BANP: variants seen among roughly 807,000 people sequenced by gnomAD.
BANP encodes BTG3 associated nuclear protein.
Under a neutral mutation model 68.1 loss-of-function variants are expected in BANP, and 11 were observed. That is an observed-to-expected ratio of 0.16 (90% CI 0.10 to 0.27). The LOEUF is 0.27. Among genes scored for constraint, BANP ranks in the 10% least tolerant of loss-of-function variants. The pLI is 1.00. For synonymous variants in BANP, 329 were observed against 303.2 expected, an observed-to-expected ratio of 1.09 and a Z score of -0.88; for missense variants, 504 against 722.7, an observed-to-expected ratio of 0.70 and a Z score of 3.47.
chr16:87,983,360 A>G (rs912872573), intron 3 of BANP, among the ~76,000 whole-genome samples: 6 of 152,190 alleles, frequency 3.9e-5, no homozygotes, highest in Non-Finnish European at 8.8e-5. Flanking sequence ...ACGTGTGCTC[A>G]TGGTGGCTCC....
At chr16:88,020,044 AGGGTAGTATCAGATAACTCCTG>A (rs2075688958) in intron 7 of BANP, among the ~76,000 whole-genome samples, 1 of 152,162 alleles carries the variant, frequency 6.6e-6, no homozygotes, top group Non-Finnish European at 1.5e-5. Flanking sequence ...CTGGACCCTG[AGGGTAGTATCAGATAACTCCTG>A]GGAGACCACA....
chr16:88,057,614 T>G lies in BANP; in HGVS notation c.1312-7653T>G, dbSNP rs887878313. On this transcript the variant is annotated intron_variant, in intron 11 of 13. Coordinates refer to ENST00000682872, the MANE Select transcript of BANP (RefSeq NM_001386991.1). This position sits in a 1 kb window ranked among gnomAD's most constrained non-coding sequence, Gnocchi z 4.6. ...TCTGACTGGCCCACGTTGTGTAAAA[T>G]TGGAAGAATGTTCTTCACACCCTTC... Among the ~76,000 whole-genome samples, 3 of 152,100 alleles carry G rather than the reference T, an allele frequency of 2.0e-5. No homozygotes were observed. Among genetic ancestry groups the G allele is most frequent in the African/African-American group, 7.2e-5 (3 of 41,408 alleles).
chr16:87,968,224 C>G (rs1382088813), intron 1 of BANP, among the ~76,000 whole-genome samples: 1 of 151,848 alleles, frequency 6.6e-6, no homozygotes, highest in African/African-American at 2.4e-5. Flanking sequence ...TGGCTCACCC[C>G]TATAATCCCA....
At chr16:87,998,676 G>A (rs1372970644) in intron 4 of BANP, among the ~76,000 whole-genome samples, 20 of 147,688 alleles carry the variant, frequency 1.4e-4, no homozygotes, top group African/African-American at 3.8e-4. Flanking sequence ...ATGCATGCAC[G>A]TGCGCGGCTG....
intron 7 of BANP, among the ~76,000 whole-genome samples, chr16:88,020,567 G>A (rs1017641187): frequency 2.6e-5 from 4 of 152,266 alleles, no homozygotes; most frequent in African/African-American, 4.8e-5. Context: ...GGGTGTCGCA[G>A]GAGTGTCAGG....
intron 7 of BANP, among the ~76,000 whole-genome samples, chr16:88,022,088 T>C (rs2076139033): frequency 6.6e-6 from 1 of 152,148 alleles, no homozygotes; most frequent in East Asian, 1.9e-4. Context: ...CTAACCAAAT[T>C]TGTGTGTTTT....
chr16:88,022,569 G>A (rs1452050023), intron 7 of BANP, among the ~76,000 whole-genome samples: 1 of 152,228 alleles, frequency 6.6e-6, no homozygotes, highest in Non-Finnish European at 1.5e-5. Flanking sequence ...GTGAGTGCAG[G>A]TGTGCGACCT....
At chr16:87,977,679 C>T (rs1574432) in intron 2 of BANP, among the ~76,000 whole-genome samples, 15,320 of 152,168 alleles carry the variant, frequency 0.1, 1,060 homozygotes, top group South Asian at 0.27. Flanking sequence ...AAATTGTTGA[C>T]GTGTATGTCT....
chr16:88,006,282 T>C lies in BANP; in HGVS notation c.655+17T>C. ...ACTCGGAAGGTGCGTCCAGGGCGGC[T>C]TTCCTCGGCCAGAGCGCCAGTACAA... On this transcript the variant is annotated intron_variant, in intron 6 of 13. Coordinates refer to ENST00000682872, the MANE Select transcript of BANP (RefSeq NM_001386991.1). 1.3e-6 allele frequency: 2 copies of C among 1,574,136 alleles called. No individual in the cohort carries two copies.
At chr16:88,028,436 C>G (rs1488122713) in intron 8 of BANP, among the ~76,000 whole-genome samples, 7 of 152,188 alleles carry the variant, frequency 4.6e-5, no homozygotes, top group Non-Finnish European at 7.3e-5. Context: ...TCTTTCTGAA[C>G]CGGACTTCAG....
intron 6 of BANP, among the ~76,000 whole-genome samples, chr16:88,013,332 G>C (rs548288016): frequency 6.6e-6 from 1 of 152,380 alleles, no homozygotes; most frequent in South Asian, 2.1e-4. Flanking sequence ...GGATTCAGGA[G>C]CCTGCCTGAC....
intron 1 of BANP, among the ~76,000 whole-genome samples, chr16:87,963,824 C>A (rs1040032651): frequency 1.3e-5 from 2 of 152,312 alleles, no homozygotes; most frequent in Admixed American, 6.5e-5. Context: ...TAATCTATAG[C>A]AGTTTGTTTT....
At chr16:88,061,085 T>C (rs559432620) in intron 11 of BANP, among the ~76,000 whole-genome samples, 1 of 152,266 alleles carries the variant, frequency 6.6e-6, no homozygotes, top group South Asian at 2.1e-4. Flanking sequence ...TTCCCTTCCT[T>C]CGAGTTTTTA....
intron 11 of BANP, among the ~76,000 whole-genome samples, chr16:88,053,743 A>G (rs1445264460): frequency 1.5e-5 from 2 of 135,256 alleles, no homozygotes; most frequent in African/African-American, 5.8e-5. Flanking sequence ...CACCACCTCT[A>G]CTGTCATCTC....
At chr16:88,056,692 G>C (rs1305906242) in intron 11 of BANP, among the ~76,000 whole-genome samples, 1 of 146,222 alleles carries the variant, frequency 6.8e-6, no homozygotes, top group Admixed American at 6.7e-5. Context: ...TGTGATGTCA[G>C]ACAGTGGTGG....
In BANP at chr16:88,076,757, CA is replaced by C. The variant is rs1363224147; in HGVS notation, c.*97del. ...ACGGCCTCGGCACAGGCAGCGGCTG[CA>C]CGTGTTCTGCTGAAGTGCGTCTGAA... On this transcript the variant is annotated 3_prime_UTR_variant, in exon 14 of 14. Transcript: ENST00000682872. 2.9e-6 allele frequency: 3 copies of C among 1,033,220 alleles called. No individual in the cohort carries two copies. The highest frequency in any genetic ancestry group is 4.1e-6 in the Non-Finnish European group (3 of 723,836). 64.0% of individuals were successfully genotyped at this position (1,033,220 alleles called of 1,614,324 possible). A position where few individuals can be genotyped will look rare whatever the true frequency, so the allele number is the denominator to read the frequency against.
At chr16:88,032,705 C>A (rs1310406461) in intron 8 of BANP, among the ~76,000 whole-genome samples, 1 of 152,172 alleles carries the variant, frequency 6.6e-6, no homozygotes, top group African/African-American at 2.4e-5. Flanking sequence ...TTAAACACAG[C>A]AAGTAAAATT....
At position 88,006,197 on chromosome 16, in the gene BANP, C is replaced by T. The variant is rs781120281; in HGVS notation, c.587C>T (p.Ser196Phe). ...ESGSEASDSV[S>F]SCGQAGSQSI... ...GGCTCGGAGGCCAGCGACTCTGTGT[C>T]CAGCTGTGGGCAGGCGGGCAGTCAG... The change falls in exon 6 of 14, where the codon TCC (serine) becomes TTC (phenylalanine). Residue 196 changes from serine (S) to phenylalanine (F), a missense_variant. By Grantham distance (155) the Ser-to-Phe change is radical (BLOSUM62 -2). This residue lies in a region of BANP where 238 missense variants were observed against 278.9 expected (regional missense o/e 0.85). Coordinates refer to ENST00000682872, the MANE Select transcript of BANP (RefSeq NM_001386991.1). 18 of 1,613,684 alleles carry T rather than the reference C, an allele frequency of 1.1e-5. No individual in the cohort carries two copies. The highest frequency in any genetic ancestry group is 1.4e-5 in the Non-Finnish European group (17 of 1,179,920).
At chr16:87,992,918 T>C (rs1426361786) in intron 4 of BANP, among the ~76,000 whole-genome samples, 2 of 152,222 alleles carry the variant, frequency 1.3e-5, no homozygotes, top group Non-Finnish European at 2.9e-5. Context: ...GTACCCACTG[T>C]ATGTTTCTGT....
Sources: gnomAD v4.1 joint callset for allele counts (sites outside exome capture counted in the v4.1 genomes callset) on GRCh38, gnomAD v4.1.1 for gene constraint, gnomAD v4.1.1 regional missense constraint, Gnocchi (gnomAD v3.1) non-coding constraint, MANE v1.5 for transcripts, NCBI Gene and HGNC (gene_info 2026-07-23, HGNC 2026-07-21) for gene names.